Variants in CNTLN observed in about 807,000 individuals in gnomAD.
The protein encoded by CNTLN is centlein.
A neutral mutation model predicts 180.0 loss-of-function variants in CNTLN; 212 were observed. That is an observed-to-expected ratio of 1.18 (90% CI 1.05 to 1.32). The LOEUF (loss-of-function observed/expected upper bound fraction) is 1.32, where lower values mean the gene tolerates loss of function less well. Ranked by LOEUF, CNTLN falls within the 40% of genes most tolerant of loss-of-function variation. CNTLN has a pLI of 0.00. For synonymous variants in CNTLN, 722 were observed against 563.1 expected, an observed-to-expected ratio of 1.28 and a Z score of -3.99; for missense variants, 2,095 against 1,610.9, an observed-to-expected ratio of 1.30 and a Z score of -5.14.
At chr9:17,246,887 G>GT (rs71492905) in intron 5 of CNTLN, among the ~76,000 whole-genome samples, 12 of 150,274 alleles carry the variant, frequency 8.0e-5, no homozygotes, top group East Asian at 2.0e-4. Flanking sequence ...TCAGAGGAGT[G>GT]TTTTTTTTTT....
the CNTLN span, among the ~76,000 whole-genome samples, chr9:17,518,962 C>T: frequency 6.6e-6 from 1 of 152,166 alleles, no homozygotes; most frequent in African/African-American, 2.4e-5. Flanking sequence ...GGGTCTCTGT[C>T]ACCCAGGCTT....
At chr9:17,293,374 A>G (rs753214539) in intron 6 of CNTLN, among the ~76,000 whole-genome samples, 2 of 152,206 alleles carry the variant, frequency 1.3e-5, no homozygotes, top group Non-Finnish European at 2.9e-5. Flanking sequence ...GCAGGGGGAA[A>G]GTCTAAGTCT....
chr9:17,265,274 C>T (rs893428261), intron 5 of CNTLN, among the ~76,000 whole-genome samples: 3 of 151,898 alleles, frequency 2.0e-5, no homozygotes, highest in African/African-American at 4.8e-5. Flanking sequence ...TTGTCAAAGG[C>T]CTTTTCTGCA....
intron 5 of CNTLN, among the ~76,000 whole-genome samples, chr9:17,240,441 C>G (rs1242922913): frequency 6.6e-6 from 1 of 151,978 alleles, no homozygotes; most frequent in African/African-American, 2.4e-5. Flanking sequence ...AATCTAAGTG[C>G]TTTTAATTTC....
chr9:17,290,965 T>A (rs1486172010), intron 6 of CNTLN, among the ~76,000 whole-genome samples: 1 of 152,058 alleles, frequency 6.6e-6, no homozygotes, highest in Non-Finnish European at 1.5e-5. Context: ...AAATCACCCG[T>A]CTTCTGTGTC....
intron 18 of CNTLN, among the ~76,000 whole-genome samples, chr9:17,418,910 A>G (rs1476328035): frequency 6.6e-6 from 1 of 152,116 alleles, no homozygotes; most frequent in Non-Finnish European, 1.5e-5. Flanking sequence ...GATAAGAGGA[A>G]CACAAAGTAT....
At chr9:17,508,925 C>A in the CNTLN span, among the ~76,000 whole-genome samples, 1 of 152,178 alleles carries the variant, frequency 6.6e-6, no homozygotes, top group Non-Finnish European at 1.5e-5. Flanking sequence ...TTTAGATGGA[C>A]CCCTCTGAAT....
intron 6 of CNTLN, among the ~76,000 whole-genome samples, chr9:17,294,738 G>A (rs368406313): frequency 1.6e-5 from 2 of 128,892 alleles, no homozygotes; most frequent in Non-Finnish European, 3.3e-5. Context: ...AGAGCTCGTC[G>A]GGGAGGCTGT....
intron 6 of CNTLN, among the ~76,000 whole-genome samples, chr9:17,277,957 G>A (rs757898751): frequency 1.3e-5 from 2 of 152,068 alleles, no homozygotes; most frequent in African/African-American, 2.4e-5. Flanking sequence ...GCTGACCATC[G>A]ATTATCAACA....
chr9:17,184,592 A>G (rs892258954), intron 2 of CNTLN, among the ~76,000 whole-genome samples: 2 of 152,148 alleles, frequency 1.3e-5, no homozygotes, highest in Non-Finnish European at 2.9e-5. Flanking sequence ...GTATTGGGGG[A>G]GAAGTGGAGA....
chr9:17,320,060 T>G (rs1819801197), intron 8 of CNTLN, among the ~76,000 whole-genome samples: 1 of 152,220 alleles, frequency 6.6e-6, no homozygotes, highest in Non-Finnish European at 1.5e-5. Flanking sequence ...TATCTTGCAG[T>G]AGAGGACAAG....
At chr9:17,442,248 C>T (rs1830154833) in intron 18 of CNTLN, among the ~76,000 whole-genome samples, 1 of 152,094 alleles carries the variant, frequency 6.6e-6, no homozygotes, top group African/African-American at 2.4e-5. Flanking sequence ...GAAATATTTT[C>T]CAGGATAGAC....
At chr9:17,465,897 C>G (rs1831716214) in intron 21 of CNTLN, 84 bp from the exon 22 acceptor site, 1 of 998,574 alleles carries the variant, frequency 1.0e-6, no homozygotes, top group Admixed American at 2.7e-5. Flanking sequence ...GACTCATTCA[C>G]TCATTTAGTT....
At chr9:17,373,082 T>C (rs1824462232) in intron 13 of CNTLN, among the ~76,000 whole-genome samples, 1 of 152,164 alleles carries the variant, frequency 6.6e-6, no homozygotes, top group Non-Finnish European at 1.5e-5. Context: ...GTGACCATGA[T>C]GCCTACTTTC....
chr9:17,394,477 T>C (rs1242189183), intron 14 of CNTLN, 57 bp from the exon 15 acceptor site: 12 of 1,156,114 alleles, frequency 1.0e-5, no homozygotes, highest in South Asian at 1.7e-5. Context: ...GAAATGGTAA[T>C]AAAGTATAGT....
intron 10 of CNTLN, among the ~76,000 whole-genome samples, chr9:17,333,325 A>G (rs1047452560): frequency 1.3e-5 from 2 of 152,116 alleles, no homozygotes; most frequent in Admixed American, 6.6e-5. Context: ...CTCTTTTTCA[A>G]TATGCAAGTT....
chr9:17,145,063 G>T (rs1442302349), intron 2 of CNTLN, among the ~76,000 whole-genome samples: 3 of 149,380 alleles, frequency 2.0e-5, no homozygotes, highest in Admixed American at 6.7e-5. Flanking sequence ...GGATGGTCTC[G>T]ATCTCCTGAC....
intron 5 of CNTLN, among the ~76,000 whole-genome samples, chr9:17,251,440 C>G (rs1030336337): frequency 6.6e-6 from 1 of 151,700 alleles, no homozygotes; most frequent in South Asian, 2.1e-4. Flanking sequence ...TTTTTTCTCT[C>G]TTTATGCTCT....
At chr9:17,269,031 G>A (rs537171109) in intron 5 of CNTLN, among the ~76,000 whole-genome samples, 6 of 152,054 alleles carry the variant, frequency 3.9e-5, no homozygotes, top group South Asian at 4.2e-4. Context: ...CGCACGGTGC[G>A]CTGCACCCAC....
Sources: gnomAD v4.1 joint callset for allele counts (sites outside exome capture counted in the v4.1 genomes callset) on GRCh38, gnomAD v4.1.1 for gene constraint, MANE v1.5 for transcripts, NCBI Gene and HGNC (gene_info 2026-07-23, HGNC 2026-07-21) for gene names.